PDZRN4: variants seen among roughly 807,000 people sequenced by gnomAD.
PDZRN4 encodes the protein PDZ domain-containing RING finger protein 4.
A neutral mutation model predicts 99.0 loss-of-function variants in PDZRN4; 70 were observed. That is an observed-to-expected ratio of 0.71 (90% CI 0.58 to 0.86). The LOEUF is 0.86. Ranked by LOEUF, PDZRN4 falls within the 40% of genes least tolerant of loss-of-function variation. The probability of loss-of-function intolerance (pLI) is 0.00; values close to 1 mark genes in which losing one functional copy is unlikely to be tolerated. For synonymous variants in PDZRN4, 551 were observed against 501.6 expected (o/e 1.10, Z -1.32); for missense variants, 1,474 against 1,331.2 (o/e 1.11, Z -1.67).
intron 5 of PDZRN4, among the ~76,000 whole-genome samples, chr12:41,526,019 C>A (rs1938562318): frequency 6.6e-6 from 1 of 152,064 alleles, no homozygotes; most frequent in African/African-American, 2.4e-5. Flanking sequence ...GTTGAAAGAC[C>A]AAATCCAGTC....
chr12:41,391,562 G>A (rs1952211656), intron 3 of PDZRN4, among the ~76,000 whole-genome samples: 1 of 152,072 alleles, frequency 6.6e-6, no homozygotes, highest in Non-Finnish European at 1.5e-5. Context: ...TCGTGTCAAG[G>A]AACAGATTAA....
At chr12:41,382,142 G>C (rs1035057975) in intron 3 of PDZRN4, among the ~76,000 whole-genome samples, 2 of 152,166 alleles carry the variant, frequency 1.3e-5, no homozygotes, top group Non-Finnish European at 2.9e-5. Flanking sequence ...TCAGCAATTG[G>C]ACTGAGCTTC....
chr12:41,189,352 C>T (rs1416705976), intron 1 of PDZRN4, among the ~76,000 whole-genome samples: 2 of 152,104 alleles, frequency 1.3e-5, no homozygotes, highest in African/African-American at 2.4e-5. Flanking sequence ...CTAACTTTCC[C>T]CCGGGAAAGT....
intron 5 of PDZRN4, among the ~76,000 whole-genome samples, chr12:41,514,748 G>A (rs1938370188): frequency 6.6e-6 from 1 of 152,068 alleles, no homozygotes; most frequent in Non-Finnish European, 1.5e-5. Flanking sequence ...AAGAACTTGG[G>A]ACCACTGTCC....
At chr12:41,439,107 T>C (rs1303958061) in intron 3 of PDZRN4, among the ~76,000 whole-genome samples, 1 of 152,218 alleles carries the variant, frequency 6.6e-6, no homozygotes, top group Non-Finnish European at 1.5e-5. Context: ...CACATTTTCA[T>C]GGTAATGTGA....
At chr12:41,494,606 C>A (rs1937958342) in intron 3 of PDZRN4, among the ~76,000 whole-genome samples, 1 of 151,754 alleles carries the variant, frequency 6.6e-6, no homozygotes, top group Non-Finnish European at 1.5e-5. Context: ...TTGCCTTAGG[C>A]ATCAATCTAT....
chr12:41,568,507 T>A (rs1208067450), intron 9 of PDZRN4, among the ~76,000 whole-genome samples: 1 of 152,194 alleles, frequency 6.6e-6, no homozygotes, highest in African/African-American at 2.4e-5. Flanking sequence ...TGCCTTGAAG[T>A]CACATATTCA....
chr12:41,354,888 T>A (rs1951915480), intron 3 of PDZRN4, among the ~76,000 whole-genome samples: 1 of 152,012 alleles, frequency 6.6e-6, no homozygotes, highest in Non-Finnish European at 1.5e-5. Flanking sequence ...AGTAATATCG[T>A]ACATACCATT....
intron 3 of PDZRN4, among the ~76,000 whole-genome samples, chr12:41,443,696 G>A (rs149355211): frequency 1.1e-4 from 16 of 152,136 alleles, no homozygotes; most frequent in African/African-American, 3.9e-4. Context: ...ATAAAAGTGA[G>A]GCCTACTAGG....
chr12:41,205,781 A>G (rs1317489343), intron 3 of PDZRN4, among the ~76,000 whole-genome samples: 3 of 151,134 alleles, frequency 2.0e-5, no homozygotes, highest in Non-Finnish European at 4.4e-5. Flanking sequence ...ATAAGTGTCT[A>G]GTGCAACAAA....
At chr12:41,490,046 T>C (rs1401821872) in intron 3 of PDZRN4, among the ~76,000 whole-genome samples, 2 of 151,766 alleles carry the variant, frequency 1.3e-5, no homozygotes, top group Non-Finnish European at 2.9e-5. Context: ...TTACCACTTG[T>C]TGTGTGACCT....
chr12:41,382,904 C>CT (rs1398421275), intron 3 of PDZRN4, among the ~76,000 whole-genome samples: 3 of 152,080 alleles, frequency 2.0e-5, no homozygotes, highest in Non-Finnish European at 2.9e-5. Context: ...TAAAGCTGGT[C>CT]TTTTTTTGCC....
intron 3 of PDZRN4, among the ~76,000 whole-genome samples, chr12:41,276,867 A>G (rs1019188351): frequency 2.0e-5 from 3 of 152,210 alleles, no homozygotes; most frequent in Non-Finnish European, 4.4e-5. Context: ...AACCAGAGTC[A>G]GCAGTATTTA....
At chr12:41,266,363 G>T (rs982232392) in intron 3 of PDZRN4, among the ~76,000 whole-genome samples, 4 of 151,256 alleles carry the variant, frequency 2.6e-5, no homozygotes, top group African/African-American at 9.8e-5. Flanking sequence ...TAAGTTAATT[G>T]CATTTTTTTC....
chr12:41,463,840 G>A (rs1181050962), intron 3 of PDZRN4, among the ~76,000 whole-genome samples: 3 of 152,108 alleles, frequency 2.0e-5, no homozygotes, highest in South Asian at 4.1e-4. Flanking sequence ...TAAAATGGAG[G>A]ACAATACACA....
intron 3 of PDZRN4, among the ~76,000 whole-genome samples, chr12:41,506,253 A>T (rs1299671299): frequency 6.6e-6 from 1 of 152,194 alleles, no homozygotes; most frequent in Non-Finnish European, 1.5e-5. Context: ...CTTTATAAAG[A>T]TACAGAAGTA....
At position 41,352,563 on chromosome 12, in the gene PDZRN4, T is replaced by C. The variant is rs11180844; in HGVS notation, c.844-153893T>C. Among the ~76,000 whole-genome samples, 613 of 152,256 alleles carry C rather than the reference T, an allele frequency of 4.0e-3. 19 individuals are homozygous for C. In the East Asian group the frequency reaches 0.09, roughly 22 times the overall value. On this transcript the variant is annotated intron_variant, in intron 3 of 9. Coordinates refer to ENST00000402685, the MANE Select transcript of PDZRN4 (RefSeq NM_001164595.2). ...ATGTTTTAAAGTGAAACAAAAAAAT[T>C]ATATGAGAGTTCAATTATTCTAGAA...
In PDZRN4 at chr12:41,188,728, G is replaced by C; in HGVS notation, c.273G>C (p.Ser91=). ...CDYRARGCGH[S]VRLHELEAHV... is the part of the protein sequence containing the mutation. ...ACCGCGCCCGCGGCTGCGGCCACTCGGTCAGGCTGCACGAGCTGGAGGCGC... is the reference window on the plus strand; with the variant it reads ...ACCGCGCCCGCGGCTGCGGCCACTCCGTCAGGCTGCACGAGCTGGAGGCGC... Residue 91 remains serine (S), a synonymous_variant, in exon 1 of 10, where the codon TCG becomes TCC. Transcript: ENST00000402685. 1 of 1,554,380 alleles carries C rather than the reference G, an allele frequency of 6.4e-7. No individual in the cohort carries two copies. Among genetic ancestry groups the C allele is most frequent in the Non-Finnish European group, 8.6e-7 (1 of 1,161,298 alleles).
intron 7 of PDZRN4, among the ~76,000 whole-genome samples, chr12:41,561,845 A>G (rs1360078816): frequency 6.6e-6 from 1 of 152,058 alleles, no homozygotes; most frequent in Non-Finnish European, 1.5e-5. Flanking sequence ...TAAGCCCTCA[A>G]AGTGCAAATA....
Sources: allele counts gnomAD v4.1 joint callset (sites outside exome capture counted in the v4.1 genomes callset), GRCh38; gene constraint gnomAD v4.1.1; transcripts MANE v1.5; gene names NCBI Gene and HGNC (gene_info 2026-07-23, HGNC 2026-07-21).